TMC2: variants seen among roughly 807,000 people sequenced by gnomAD.
The protein encoded by TMC2 is transmembrane channel-like protein 2.
Under a neutral mutation model 105.9 loss-of-function variants are expected in TMC2, and 102 were observed. That is an observed-to-expected ratio of 0.96 (90% CI 0.82 to 1.14). TMC2 has a LOEUF of 1.14. TMC2 is among the 50% of genes most tolerant of loss of function. The pLI, the probability that TMC2 is intolerant of heterozygous loss-of-function variation, is 0.00. For missense variants in TMC2, 1,093 were observed against 1,134.3 expected (o/e 0.96, Z 0.52); for synonymous variants, 402 against 422.8 (o/e 0.95, Z 0.60).
intron 16 of TMC2, among the ~76,000 whole-genome samples, chr20:2,619,522 C>T (rs1342868423): frequency 2.0e-5 from 3 of 152,164 alleles, no homozygotes; most frequent in Admixed American, 2.0e-4. Context: ...CACAAACACA[C>T]TTTGAGAAAT....
chr20:2,618,991 C>A (rs149422948), intron 16 of TMC2, among the ~76,000 whole-genome samples: 42 of 152,108 alleles, frequency 2.8e-4, no homozygotes, highest in Non-Finnish European at 5.0e-4. Flanking sequence ...CATGAGCAAC[C>A]CTGAGGGCAT....
intron 14 of TMC2, among the ~76,000 whole-genome samples, chr20:2,615,540 A>T (rs148794618): frequency 2.0e-3 from 306 of 152,288 alleles, no homozygotes; most frequent in Non-Finnish European, 3.5e-3. Flanking sequence ...CACAGATTTT[A>T]TGTTCTTTCA....
At chr20:2,571,059 C>T (rs2086099427) in intron 4 of TMC2, among the ~76,000 whole-genome samples, 1 of 152,054 alleles carries the variant, frequency 6.6e-6, no homozygotes, top group South Asian at 2.1e-4. Context: ...AGAAGAAAAC[C>T]TAGGAAATAT....
At chr20:2,635,836 G>C (rs552200081) in intron 17 of TMC2, 90 bp from the exon 18 acceptor site, 1 of 1,034,000 alleles carries the variant, frequency 9.7e-7, no homozygotes, top group Non-Finnish European at 1.5e-6. Context: ...ACTATTCCAG[G>C]AATCCTGCCC....
intron 17 of TMC2, among the ~76,000 whole-genome samples, chr20:2,626,054 T>C (rs1412459167): frequency 6.6e-6 from 1 of 152,196 alleles, no homozygotes; most frequent in Non-Finnish European, 1.5e-5. Context: ...ATGTCAGACA[T>C]GTGGATGAAA....
chr20:2,595,876 G>A (rs957029278), intron 9 of TMC2, among the ~76,000 whole-genome samples: 11 of 152,116 alleles, frequency 7.2e-5, no homozygotes, highest in African/African-American at 2.2e-4. Context: ...GGTCTCAGGC[G>A]GAAATGCTGT....
intron 5 of TMC2, among the ~76,000 whole-genome samples, chr20:2,574,973 G>A (rs1013188896): frequency 6.6e-6 from 1 of 152,120 alleles, no homozygotes; most frequent in East Asian, 1.9e-4. Context: ...TGATCCTCCT[G>A]CCTCAGCCTC....
intron 17 of TMC2, among the ~76,000 whole-genome samples, chr20:2,631,177 A>G (rs1301832645): frequency 6.6e-6 from 1 of 152,202 alleles, no homozygotes; most frequent in Admixed American, 6.5e-5. Context: ...TAATTATAAT[A>G]GTATACAAAA....
chr20:2,639,311 C>A (rs1300844480), intron 19 of TMC2, among the ~76,000 whole-genome samples: 1 of 152,220 alleles, frequency 6.6e-6, no homozygotes, highest in Non-Finnish European at 1.5e-5. Flanking sequence ...CACTGACTCA[C>A]CCAGAGCAAC....
At chr20:2,579,320 T>C in intron 6 of TMC2, 93 bp downstream of exon 6, 1 of 693,542 alleles carries the variant, frequency 1.4e-6, no homozygotes, top group Non-Finnish European at 2.5e-6. Context: ...AATAGATTAT[T>C]TCATTGGTTC....
intron 10 of TMC2, among the ~76,000 whole-genome samples, chr20:2,597,875 G>C (rs2086320301): frequency 1.3e-5 from 2 of 152,048 alleles, no homozygotes; most frequent in South Asian, 2.1e-4. Context: ...ACACATTTCT[G>C]CTGGAATAAG....
In TMC2 at chr20:2,536,662, C is replaced by A. The variant is rs1600090077; in HGVS notation, c.34+7C>A. 1 of 1,572,228 alleles carries A rather than the reference C, an allele frequency of 6.4e-7. No individual in the cohort carries two copies. Among genetic ancestry groups the A allele is most frequent in the South Asian group, 1.2e-5 (1 of 85,438 alleles). ...AAGGGCCTGAAAGAGGAAGGTGAGT[C>A]CACGTCCTGATCCTGCGGGGCCCGC... On this transcript the variant is annotated splice_region_variant and intron_variant, in intron 1 of 19. Coordinates refer to ENST00000358864, the MANE Select transcript of TMC2 (RefSeq NM_080751.3).
chr20:2,615,569 G>A (rs754222509), intron 14 of TMC2, among the ~76,000 whole-genome samples: 15 of 152,184 alleles, frequency 9.9e-5, no homozygotes, highest in Admixed American at 7.2e-4. Context: ...GACAAATCAC[G>A]AAAACTGCAA....
At chr20:2,578,484 G>C (rs1420987621) in intron 5 of TMC2, among the ~76,000 whole-genome samples, 2 of 152,212 alleles carry the variant, frequency 1.3e-5, no homozygotes, top group African/African-American at 2.4e-5. Flanking sequence ...GTCCCTTGGA[G>C]AGTTGACAAA....
intron 11 of TMC2, among the ~76,000 whole-genome samples, chr20:2,606,918 T>C (rs920610350): frequency 6.9e-6 from 1 of 145,946 alleles, no homozygotes; most frequent in African/African-American, 2.5e-5. Flanking sequence ...TTTGCAGTAT[T>C]CTGTCACCCT....
chr20:2,541,890 CTGCATTTTCCGCCGTTTCCT>C (rs2085892151), intron 2 of TMC2, among the ~76,000 whole-genome samples: 1 of 151,920 alleles, frequency 6.6e-6, no homozygotes, highest in South Asian at 2.1e-4. Flanking sequence ...ACTAGTAAAA[CTGCATTTTCCGCCGTTTCCT>C]AATTGCATTT....
At chr20:2,637,737 T>C in intron 19 of TMC2, 146 bp downstream of exon 19, 2 of 618,884 alleles carry the variant, frequency 3.2e-6, no homozygotes, top group South Asian at 2.1e-5. Context: ...CAGGTGAATA[T>C]AGGGGTCAAT....
At chr20:2,599,975 G>A (rs557280445) in intron 10 of TMC2, among the ~76,000 whole-genome samples, 3 of 152,304 alleles carry the variant, frequency 2.0e-5, no homozygotes, top group Admixed American at 2.0e-4. Context: ...GGGTTTCCCA[G>A]CCCTAGAGCC....
rs536936293 is a variant in TMC2 at position 2,612,272 on chromosome 20, G to A, written c.1675G>A (p.Val559Ile). The A allele has an allele frequency of 1.2e-6, 2 of 1,612,630 alleles. No individual in the cohort carries two copies. Among genetic ancestry groups the A allele is most frequent in the East Asian group, 2.2e-5 (1 of 44,868 alleles). ...CAACTCTTCTGGTTGGAACGAGAGT[G>A]TCCCCCGACCACCCCTGCACCCTGC... ...YYNSSGWNES[V>I]PRPPLHPADV... Residue 559 changes from valine (V) to isoleucine (I), a missense_variant, in exon 13 of 20, where the codon GTC becomes ATC. Coordinates refer to ENST00000358864, the MANE Select transcript of TMC2 (RefSeq NM_080751.3).
Sources: allele counts gnomAD v4.1 joint callset (sites outside exome capture counted in the v4.1 genomes callset), GRCh38; gene constraint gnomAD v4.1.1; transcripts MANE v1.5; gene names NCBI Gene and HGNC (gene_info 2026-07-23, HGNC 2026-07-21).